Variants in ARHGEF17 observed in about 807,000 individuals in gnomAD.
ARHGEF17 encodes 164 kDa Rho-specific guanine-nucleotide exchange factor.
ARHGEF17 carries 80 observed loss-of-function variants against 174.0 expected under a neutral mutation model. That is an observed-to-expected ratio of 0.46 (90% CI 0.38 to 0.55). ARHGEF17 has a LOEUF of 0.55. Ranked by LOEUF, ARHGEF17 falls within the 20% of genes least tolerant of loss-of-function variation. The pLI is 0.00. For synonymous variants in ARHGEF17, 1,311 were observed against 1,189.1 expected (o/e 1.10, Z -2.11); for missense variants, 2,886 against 2,839.7 (o/e 1.02, Z -0.37).
At chr11:73,361,063 G>A (rs370039797) in intron 11 of ARHGEF17, 25 bp from the exon 12 acceptor site, 84 of 1,597,790 alleles carry the variant, frequency 5.3e-5, no homozygotes, top group Middle Eastern at 1.7e-4. Context: ...AGCAGGGTCC[G>A]TCTGTCTGTC....
intron 1 of ARHGEF17, chr11:73,342,789 A>C (rs1591744321): frequency 7.7e-6 from 1 of 130,718 alleles, no homozygotes. Context: ...TGGGTCCGTG[A>C]GCGGACGCTG....
In ARHGEF17 at chr11:73,311,282, C is replaced by T. The variant is rs369489970; in HGVS notation, c.2644C>T (p.Arg882Trp). The change falls in exon 1 of 21, where the codon CGG becomes TGG. Residue 882 changes from arginine (R) to tryptophan (W), a missense_variant. Physicochemically the swap from Arg to Trp is moderately radical, Grantham distance 101 (BLOSUM62 -3). Transcript: ENST00000263674. The stretch of plus-strand genomic sequence containing the variant: ...AGAAGAACCTGGTGCCACCAGGAGC[C>T]GGGCACAGTCTGAAAGGGCCCTACC... Reference protein sequence around the residue: ...EPEEPGATRSRAQSERALPEA... With the variant: ...EPEEPGATRSWAQSERALPEA... 2.2e-4 allele frequency: 347 copies of T among 1,612,994 alleles called. No homozygotes were observed. The highest frequency in any genetic ancestry group is 2.7e-4 in the Non-Finnish European group (322 of 1,179,986).
intron 15 of ARHGEF17, 29 bp downstream of exon 15, chr11:73,363,484 A>G (rs752766149): frequency 3.4e-5 from 54 of 1,597,348 alleles, no homozygotes; most frequent in Non-Finnish European, 4.4e-5. Context: ...CTAGGGACAC[A>G]GTGCCAGAAC....
At chr11:73,318,093 G>C (rs1864957019) in intron 1 of ARHGEF17, among the ~76,000 whole-genome samples, 1 of 152,172 alleles carries the variant, frequency 6.6e-6, no homozygotes, top group Non-Finnish European at 1.5e-5. Context: ...GTTCTAAGGA[G>C]GATCTCGGTT....
intron 20 of ARHGEF17, 151 bp downstream of exon 20, chr11:73,366,098 T>C: frequency 1.9e-6 from 2 of 1,071,930 alleles, no homozygotes; most frequent in Non-Finnish European, 1.3e-6. Flanking sequence ...CACGGAAGTG[T>C]CCAAATGAAA....
rs910043519 is a variant in ARHGEF17, at chr11:73,309,169, C to T, written c.531C>T (p.Phe177=). 3 of 1,588,296 alleles carry T rather than the reference C, an allele frequency of 1.9e-6. No individual in the cohort carries two copies. The African/African-American group carries it at 4.1e-5, about 22-fold the overall frequency. Residue 177 remains phenylalanine (F), a synonymous_variant, in exon 1 of 21, where the codon TTC becomes TTT. Coordinates refer to ENST00000263674, the MANE Select transcript of ARHGEF17 (RefSeq NM_014786.4). ...QPPTPPPRTC[F]PLAGLRSARP... The stretch of plus-strand genomic sequence containing the variant: ...CGACGCCACCCCCTCGGACATGCTT[C>T]CCCCTGGCGGGTCTGCGTTCGGCGC...
chr11:73,362,328 T>TTGTGGGCGGGGCCCGGCGAG (rs1304835421), intron 13 of ARHGEF17, 89 bp downstream of exon 13: 5 of 1,445,746 alleles, frequency 3.5e-6, no homozygotes, highest in East Asian at 2.5e-5. Flanking sequence ...CCCGGCGTGG[T>TTGTGGGCGGGGCCCGGCGAG]TGTGGGCGGG....
intron 15 of ARHGEF17, 109 bp downstream of exon 15, chr11:73,363,564 C>G (rs1420938120): frequency 6.6e-7 from 1 of 1,521,382 alleles, no homozygotes; most frequent in Non-Finnish European, 8.9e-7. Flanking sequence ...GGTCACACCT[C>G]AGGGGTACTG....
intron 1 of ARHGEF17, among the ~76,000 whole-genome samples, chr11:73,329,353 ATATATATATATATATATATATTTT>A (rs1865158602): frequency 6.6e-5 from 2 of 30,530 alleles, no homozygotes; most frequent in Non-Finnish European, 1.1e-4. Flanking sequence ...ATATATATAT[ATATATATATATATATATATATTTT>A]TTTTTTTTTT....
At chr11:73,349,996 G>A (rs554230252) in intron 2 of ARHGEF17, among the ~76,000 whole-genome samples, 14 of 152,294 alleles carry the variant, frequency 9.2e-5, no homozygotes, top group African/African-American at 3.4e-4. Flanking sequence ...ATGACCCGGA[G>A]CATGTCACAT....
Position 73,367,689 on chromosome 11 carries a change from A to G in ARHGEF17, c.6101A>G (p.Glu2034Gly). The G allele has an allele frequency of 6.2e-7, 1 of 1,614,078 alleles. No homozygotes were observed. The highest frequency in any genetic ancestry group is 8.5e-7 in the Non-Finnish European group (1 of 1,179,998). ...MLVISGGDGY[E>G]DFRLSSGGGS... ...GTTATCAGTGGAGGTGATGGCTATG[A>G]GGACTTCCGACTCAGCAGTGGGGGC... Residue 2034 changes from glutamate to glycine, a missense_variant, in exon 21 of 21, where the codon GAG becomes GGG. By Grantham distance (98) the Glu-to-Gly change is moderately conservative. Coordinates refer to ENST00000263674, the MANE Select transcript of ARHGEF17 (RefSeq NM_014786.4).
intron 12 of ARHGEF17, among the ~76,000 whole-genome samples, 157 bp from the exon 13 acceptor site, chr11:73,361,883 G>T (rs1210545113): frequency 6.7e-6 from 1 of 150,174 alleles, no homozygotes; most frequent in African/African-American, 2.5e-5. Flanking sequence ...TGTGCCGCGT[G>T]TATGTGTACG....
chr11:73,310,925 C>T lies in ARHGEF17; in HGVS notation c.2287C>T (p.Leu763=). ...FSVDSNLLGS[L]SPKTGLPATS... is the part of the protein sequence containing the mutation. ...TGTGGACAGCAACCTCCTGGGCTCA[C>T]TGAGCCCCAAGACAGGGCTCCCTGC... The change falls in exon 1 of 21, where the codon CTG becomes TTG. Residue 763 remains leucine (L), a synonymous_variant. Transcript: ENST00000263674. The T allele has an allele frequency of 6.2e-7, 1 of 1,613,976 alleles. No homozygotes were observed. The highest frequency in any genetic ancestry group is 8.5e-7 in the Non-Finnish European group (1 of 1,179,980).
In ARHGEF17 at chr11:73,356,725, G is replaced by A. The variant is rs1225757273; in HGVS notation, c.3857G>A (p.Arg1286Gln). 23 of 1,614,142 alleles carry A rather than the reference G, an allele frequency of 1.4e-5. No individual in the cohort carries two copies. Among genetic ancestry groups the A allele is most frequent in the Non-Finnish European group, 1.9e-5 (23 of 1,180,040 alleles). ...GTCCCACAGCTCCAGGCCCCTCTGC[G>A]GCGGTTCCTGAGACAGGAGATGGTC... ...EGMEDLQAPL[R>Q]RFLRQEMVIE... is the part of the protein sequence containing the mutation. The change falls in exon 7 of 21, where the codon CGG (arginine) becomes CAG (glutamine). Residue 1286 changes from arginine (R) to glutamine (Q), a missense_variant. Coordinates refer to ENST00000263674, the MANE Select transcript of ARHGEF17 (RefSeq NM_014786.4).
At position 73,362,345 on chromosome 11, in the gene ARHGEF17, C is replaced by G. The variant is rs902673731; in HGVS notation, c.4695-88C>G. 5.9e-5 allele frequency: 85 copies of G among 1,444,900 alleles called. No individual in the cohort carries two copies. The East Asian group carries it at 2.0e-3, about 34-fold the overall frequency. The allele number at this position is 1,444,900 out of a possible 1,614,324, so 89.5% of individuals were successfully genotyped here. Reference sequence around the variant, plus strand: ...CGGCGTGGTTGTGGGCGGGGCCCGGCGAGTGTGGGCGGGGTCGGTGGGCGT... The same window carrying G: ...CGGCGTGGTTGTGGGCGGGGCCCGGGGAGTGTGGGCGGGGTCGGTGGGCGT... On this transcript the variant is annotated intron_variant, in intron 13 of 20. Transcript: ENST00000263674.
intron 1 of ARHGEF17, among the ~76,000 whole-genome samples, chr11:73,333,656 G>A (rs1197986029): frequency 1.3e-5 from 2 of 152,166 alleles, no homozygotes; most frequent in Non-Finnish European, 2.9e-5. Flanking sequence ...CGACTGATGG[G>A]TAGAACTTAC....
chr11:73,366,449 C>G (rs995712986), intron 20 of ARHGEF17, among the ~76,000 whole-genome samples: 4 of 152,154 alleles, frequency 2.6e-5, no homozygotes, highest in African/African-American at 9.7e-5. Flanking sequence ...CAGCCGGGTG[C>G]CAGGCGCGGT....
intron 1 of ARHGEF17, among the ~76,000 whole-genome samples, chr11:73,322,430 C>A (rs187856868): frequency 1.3e-5 from 2 of 152,372 alleles, no homozygotes; most frequent in East Asian, 1.9e-4. Flanking sequence ...GAAGCTGAGG[C>A]CCAGCAAGGG....
intron 1 of ARHGEF17, among the ~76,000 whole-genome samples, chr11:73,338,814 CT>C (rs1247491765): frequency 6.6e-6 from 1 of 151,794 alleles, no homozygotes; most frequent in East Asian, 1.9e-4. Flanking sequence ...GGTTCTACCT[CT>C]TACCAGCCAG....
Sources: allele counts gnomAD v4.1 joint callset (sites outside exome capture counted in the v4.1 genomes callset), GRCh38; gene constraint gnomAD v4.1.1; transcripts MANE v1.5; gene names NCBI Gene and HGNC (gene_info 2026-07-23, HGNC 2026-07-21).